CNBD1: variants seen among roughly 807,000 people sequenced by gnomAD.
The protein encoded by CNBD1 is cyclic nucleotide binding domain containing 1, also known as cyclic nucleotide-binding domain-containing protein 1.
A neutral mutation model predicts 54.4 loss-of-function variants in CNBD1; 71 were observed. The observed-to-expected ratio is 1.30, with a 90% CI of 1.08 to 1.59. The LOEUF (loss-of-function observed/expected upper bound fraction) is 1.59, where lower values mean the gene tolerates loss of function less well. Ranked by LOEUF, CNBD1 falls within the 40% of genes most tolerant of loss-of-function variation. CNBD1 has a pLI of 0.00. For synonymous variants in CNBD1, 182 were observed against 170.7 expected (o/e 1.07, Z -0.51); for missense variants, 659 against 518.0 (o/e 1.27, Z -2.64).
chr8:87,425,386 A>C (rs1808027411), intron 2 of CNBD1, among the ~76,000 whole-genome samples: 1 of 152,122 alleles, frequency 6.6e-6, no homozygotes, highest in Non-Finnish European at 1.5e-5. Context: ...TTGGAGGAGG[A>C]GAGGCGCTCT....
At chr8:87,075,295 G>C (rs1226317589) in intron 4 of CNBD1, among the ~76,000 whole-genome samples, 1 of 152,140 alleles carries the variant, frequency 6.6e-6, no homozygotes, top group African/African-American at 2.4e-5. Context: ...TGAACTGCTT[G>C]TATGAAACCA....
intron 6 of CNBD1, among the ~76,000 whole-genome samples, chr8:87,262,197 T>G (rs10099880): frequency 0.66 from 100,961 of 151,982 alleles, 33,990 homozygotes; most frequent in Middle Eastern, 0.72. Flanking sequence ...TATAAATAAT[T>G]GTTGAACATT....
At chr8:87,302,493 A>T (rs1809027517) in intron 8 of CNBD1, among the ~76,000 whole-genome samples, 1 of 151,992 alleles carries the variant, frequency 6.6e-6, no homozygotes, top group Non-Finnish European at 1.5e-5. Context: ...GTATCTCAAA[A>T]TAATAAGAGC....
intron 4 of CNBD1, among the ~76,000 whole-genome samples, chr8:87,193,196 T>A (rs1311584539): frequency 6.6e-6 from 1 of 152,164 alleles, no homozygotes; most frequent in African/African-American, 2.4e-5. Flanking sequence ...AAGTTTCCCA[T>A]AGCATATGGG....
chr8:86,902,276 A>G (rs1429929018), intron 2 of CNBD1, among the ~76,000 whole-genome samples: 1 of 152,096 alleles, frequency 6.6e-6, no homozygotes, highest in Non-Finnish European at 1.5e-5. Flanking sequence ...TCAGAGCTTT[A>G]ATATATACCT....
chr8:87,277,897 A>G (rs892882052), intron 6 of CNBD1, among the ~76,000 whole-genome samples: 12 of 151,832 alleles, frequency 7.9e-5, no homozygotes, highest in South Asian at 2.1e-4. Context: ...CAGTAGAAAC[A>G]AACACACAGG....
intron 8 of CNBD1, among the ~76,000 whole-genome samples, chr8:87,320,061 C>G (rs1809485948): frequency 6.6e-6 from 1 of 152,086 alleles, no homozygotes; most frequent in Admixed American, 6.6e-5. Context: ...TTCACACCAT[C>G]TGAACAAAAA....
At chr8:87,420,524 A>C (rs80137250) in intron 2 of CNBD1, among the ~76,000 whole-genome samples, 2,508 of 152,224 alleles carry the variant, frequency 0.016, 29 homozygotes, top group Admixed American at 0.026. Flanking sequence ...TACATGTCAA[A>C]GTTTGCTGAT....
intron 3 of CNBD1, among the ~76,000 whole-genome samples, chr8:86,925,188 G>A (rs1327221947): frequency 6.6e-6 from 1 of 152,068 alleles, no homozygotes; most frequent in Non-Finnish European, 1.5e-5. Context: ...CAGCACTCTT[G>A]GTTAGCAAAA....
At chr8:87,365,535 A>G (rs1810625817) in intron 10 of CNBD1, among the ~76,000 whole-genome samples, 1 of 152,036 alleles carries the variant, frequency 6.6e-6, no homozygotes, top group South Asian at 2.1e-4. Context: ...CACTTGTTCC[A>G]CTGTAAAATG....
chr8:87,175,068 A>G (rs1410859913), intron 4 of CNBD1, among the ~76,000 whole-genome samples: 1 of 151,860 alleles, frequency 6.6e-6, no homozygotes, highest in East Asian at 1.9e-4. Context: ...CTGATAACAC[A>G]CCCTGGCTAC....
chr8:86,987,564 T>C (rs62526209), intron 4 of CNBD1, among the ~76,000 whole-genome samples: 18,094 of 152,146 alleles, frequency 0.12, 1,453 homozygotes, highest in Non-Finnish European at 0.18. Flanking sequence ...GAGAGTGGGC[T>C]TCCTTGTCTT....
chr8:87,250,298 G>A (rs1002556180), intron 6 of CNBD1, among the ~76,000 whole-genome samples: 3 of 152,230 alleles, frequency 2.0e-5, no homozygotes, highest in Admixed American at 6.5e-5. Context: ...CAATTAAAAT[G>A]GCTGTTATCC....
At chr8:87,221,280 A>G (rs2130809091) in intron 5 of CNBD1, among the ~76,000 whole-genome samples, 1 of 152,180 alleles carries the variant, frequency 6.6e-6, no homozygotes, top group African/African-American at 2.4e-5. Context: ...TTTAAAACAT[A>G]ATTCCAATTT....
intron 8 of CNBD1, among the ~76,000 whole-genome samples, chr8:87,323,351 G>C (rs931239892): frequency 7.1e-4 from 97 of 136,736 alleles, no homozygotes; most frequent in Non-Finnish European, 9.3e-4. Flanking sequence ...GAAAGTCATT[G>C]GTAGCTTGAT....
chr8:87,408,519 T>G (rs1330922773), intron 2 of CNBD1, among the ~76,000 whole-genome samples: 2 of 152,156 alleles, frequency 1.3e-5, no homozygotes, highest in Non-Finnish European at 2.9e-5. Context: ...TTATGAACTA[T>G]TTTTAAGGAC....
At chr8:87,328,785 T>C (rs1035736026) in intron 8 of CNBD1, among the ~76,000 whole-genome samples, 8 of 152,148 alleles carry the variant, frequency 5.3e-5, no homozygotes, top group African/African-American at 1.4e-4. Flanking sequence ...TTTTTAACAA[T>C]GTTTTATATT....
chr8:86,982,928 T>A (rs77824639), intron 4 of CNBD1, among the ~76,000 whole-genome samples: 4,960 of 152,310 alleles, frequency 0.033, 127 homozygotes, highest in Middle Eastern at 0.061. Context: ...TCTCCACTTA[T>A]TTAGATATTA....
intron 4 of CNBD1, among the ~76,000 whole-genome samples, chr8:87,129,090 AAGAAT>A (rs1812063453): frequency 6.9e-6 from 1 of 145,852 alleles, no homozygotes; most frequent in African/African-American, 2.6e-5. Context: ...AAAAAAAAAA[AAGAAT>A]TTTGCTATCT....
Sources: allele counts gnomAD v4.1 joint callset (sites outside exome capture counted in the v4.1 genomes callset), GRCh38; gene constraint gnomAD v4.1.1; transcripts MANE v1.5; gene names NCBI Gene and HGNC (gene_info 2026-07-23, HGNC 2026-07-21).